Variants in ATIC observed in about 807,000 individuals in gnomAD.
ATIC encodes bifunctional purine biosynthesis protein ATIC.
Under a neutral mutation model 72.5 loss-of-function variants are expected in ATIC, and 64 were observed. That is an observed-to-expected ratio of 0.88 (90% CI 0.72 to 1.09). ATIC has a LOEUF of 1.09. ATIC is among the 50% of genes least tolerant of loss of function. The pLI is 0.00. For synonymous variants in ATIC, 281 were observed against 267.1 expected (o/e 1.05, Z -0.51); for missense variants, 787 against 732.4 (o/e 1.07, Z -0.86).
At chr2:215,330,376 A>G (rs2052877792) in intron 7 of ATIC, among the ~76,000 whole-genome samples, 1 of 152,118 alleles carries the variant, frequency 6.6e-6, no homozygotes, top group Non-Finnish European at 1.5e-5. Context: ...TAGAGTAGTT[A>G]CAGGTTTACA....
intron 4 of ATIC, among the ~76,000 whole-genome samples, chr2:215,325,014 GA>G: frequency 6.6e-6 from 1 of 152,136 alleles, no homozygotes; most frequent in East Asian, 1.9e-4. Context: ...TGTGTATTCA[GA>G]TCCGGGGAGC....
chr2:215,354,878 G>T, the ATIC span, among the ~76,000 whole-genome samples: 1 of 151,748 alleles, frequency 6.6e-6, no homozygotes, highest in Non-Finnish European at 1.5e-5. Flanking sequence ...ACCCAGCAGC[G>T]TGTGCTTGAG....
the ATIC span, among the ~76,000 whole-genome samples, chr2:215,365,966 ATTT>A: frequency 0.25 from 22,907 of 89,914 alleles, 1,528 homozygotes; most frequent in East Asian, 0.55. Flanking sequence ...CCACAGTGCT[ATTT>A]TTTTTTTTTT....
chr2:215,313,719 C>T (rs924216408), intron 2 of ATIC, among the ~76,000 whole-genome samples: 1 of 152,186 alleles, frequency 6.6e-6, no homozygotes, highest in Non-Finnish European at 1.5e-5. Flanking sequence ...GTGAGCAGTA[C>T]ACAGCTTCCC....
chr2:215,312,245 G>A (rs1208823473), intron 1 of ATIC, 84 bp downstream of exon 1: 7 of 1,446,770 alleles, frequency 4.8e-6, no homozygotes, highest in African/African-American at 3.0e-5. Flanking sequence ...GGCGGGACCC[G>A]GCACTGCAGG....
At chr2:215,344,744 G>A in intron 12 of ATIC, 35 bp from the exon 13 acceptor site, 3 of 1,580,382 alleles carry the variant, frequency 1.9e-6, no homozygotes, top group Non-Finnish European at 2.6e-6. Flanking sequence ...AGTTTAAAAG[G>A]CCCCATGCAA....
chr2:215,349,733 A>G lies in ATIC; in HGVS notation c.*78A>G. On this transcript the variant is annotated 3_prime_UTR_variant, in exon 16 of 16. Transcript: ENST00000236959. ...CTGAAACTTTGAGGATAACTTTTTA[A>G]AAAAATAAAACAGTATCTCTTAATC... is the stretch of plus-strand genomic sequence containing the variant. 1 of 1,608,476 alleles carries G rather than the reference A, an allele frequency of 6.2e-7. No individual in the cohort carries two copies. Among genetic ancestry groups the G allele is most frequent in the Non-Finnish European group, 8.5e-7 (1 of 1,175,110 alleles).
chr2:215,342,627 A>T (rs567084570), intron 12 of ATIC, among the ~76,000 whole-genome samples: 1 of 152,044 alleles, frequency 6.6e-6, no homozygotes, highest in East Asian at 1.9e-4. Flanking sequence ...CCTTTCTATA[A>T]TTTTCATTCA....
At chr2:215,366,294 G>T in the ATIC span, among the ~76,000 whole-genome samples, 1 of 152,082 alleles carries the variant, frequency 6.6e-6, no homozygotes, top group Non-Finnish European at 1.5e-5. Flanking sequence ...ACTAAAGTGG[G>T]ATTGGAGTAG....
At chr2:215,312,316 G>C in intron 1 of ATIC, 155 bp downstream of exon 1, 1 of 1,453,542 alleles carries the variant, frequency 6.9e-7, no homozygotes, top group Non-Finnish European at 9.2e-7. Context: ...CAGCCTGCGT[G>C]GGGCCCGCCT....
At position 215,335,015 on chromosome 2, in the gene ATIC, A is replaced by AT; in HGVS notation, c.1008+13dup. On this transcript the variant is annotated intron_variant, in intron 10 of 15. Transcript: ENST00000236959. Reference sequence around the variant, plus strand: ...ATTATTTCCAGAGAAGTTAGTGGACATTCATGTATCTTAATCTGTGTGTTG... The same window carrying AT: ...ATTATTTCCAGAGAAGTTAGTGGACATTTCATGTATCTTAATCTGTGTGTTG... The AT allele has an allele frequency of 6.3e-7, 1 of 1,595,004 alleles. No homozygotes were observed.
Position 215,325,262 on chromosome 2 carries a change from T to A in ATIC, c.312T>A (p.Tyr104Ter). The change falls in exon 5 of 16, where the codon TAT becomes TAA. Residue 104 changes from tyrosine (Y) to a stop codon, truncating the protein, a stop_gained. Transcript: ENST00000236959. LOFTEE classifies it high-confidence loss of function. ...ATAGAGTTGTTGCCTGCAATCTCTA[T>A]CCCTTTGTAAAGACAGTGGCTTCTC... ...NLIRVVACNL[Y>*]PFVKTVASPG... The A allele has an allele frequency of 6.2e-7, 1 of 1,613,850 alleles. No homozygotes were observed. Among genetic ancestry groups the A allele is most frequent in the Non-Finnish European group, 8.5e-7 (1 of 1,179,768 alleles).
At chr2:215,333,649 C>A (rs894121892) in intron 9 of ATIC, among the ~76,000 whole-genome samples, 192 bp downstream of exon 9, 1 of 151,760 alleles carries the variant, frequency 6.6e-6, no homozygotes, top group Non-Finnish European at 1.5e-5. Context: ...AAGTAAAATA[C>A]CCTTTGTTTC....
intron 8 of ATIC, among the ~76,000 whole-genome samples, chr2:215,332,717 ATTTG>A (rs1476898436): frequency 1.3e-5 from 2 of 152,174 alleles, no homozygotes; most frequent in Non-Finnish European, 2.9e-5. Flanking sequence ...TGAGGCAGGA[ATTTG>A]TTTGTGGGGT....
chr2:215,326,889 GC>G lies in ATIC; in HGVS notation c.600del (p.Val201TyrfsTer6). On this transcript the variant is annotated frameshift_variant, in exon 7 of 16. Transcript: ENST00000236959. LOFTEE classifies it high-confidence loss of function. The part of the protein sequence containing the change: ...SDYFRKQYSK[G>X]VSQMPLRYGM... ...TATTTCAGGAAACAGTACAGCAAAG[GC>G]GTATCTCAGATGCCCTTGAGATATG... 1 of 1,614,130 alleles carries G rather than the reference GC, an allele frequency of 6.2e-7. No individual in the cohort carries two copies. Among genetic ancestry groups the G allele is most frequent in the Non-Finnish European group, 8.5e-7 (1 of 1,180,018 alleles).
intron 14 of ATIC, chr2:215,347,673 G>A (rs1438148975): frequency 1.6e-5 from 8 of 486,202 alleles, no homozygotes; most frequent in Non-Finnish European, 2.9e-5. Context: ...GAATGTAACT[G>A]AAGTCCTTAA....
chr2:215,339,858 G>A (rs1045532421), intron 12 of ATIC, among the ~76,000 whole-genome samples: 1 of 152,072 alleles, frequency 6.6e-6, no homozygotes, highest in African/African-American at 2.4e-5. Flanking sequence ...GGATGGTCTC[G>A]ATCTCCTAAC....
intron 7 of ATIC, 133 bp downstream of exon 7, chr2:215,327,111 T>C (rs1575117453): frequency 1.4e-6 from 2 of 1,436,710 alleles, no homozygotes; most frequent in East Asian, 4.7e-5. Flanking sequence ...CTGATAACCA[T>C]CTGGTTTGAG....
chr2:215,349,624 C>T lies in ATIC; in HGVS notation c.1748C>T (p.Ala583Val). 1 of 1,614,200 alleles carries T rather than the reference C, an allele frequency of 6.2e-7. No individual in the cohort carries two copies. The highest frequency in any genetic ancestry group is 1.7e-5 in the Admixed American group (1 of 60,014). The change falls in exon 16 of 16, where the codon GCT becomes GTT. Residue 583 changes from alanine to valine, a missense_variant. By Grantham distance (64) the Ala-to-Val change is moderately conservative. Transcript: ENST00000236959. ...TGCGACGAACTGGGAATCATCCTCG[C>T]TCATACGAACCTTCGGCTCTTCCAC... ...EACDELGIIL[A>V]HTNLRLFHH
Sources: allele counts gnomAD v4.1 joint callset (sites outside exome capture counted in the v4.1 genomes callset), GRCh38; gene constraint gnomAD v4.1.1; transcripts MANE v1.5; gene names NCBI Gene and HGNC (gene_info 2026-07-23, HGNC 2026-07-21).